VPS13A: variants seen among roughly 807,000 people sequenced by gnomAD.
VPS13A encodes vacuolar protein sorting 13 homolog A.
In VPS13A, 264 loss-of-function variants were observed where a neutral mutation model predicts 390.9. The observed-to-expected ratio is 0.68, with a 90% CI of 0.61 to 0.75. The LOEUF is 0.75. Ranked by LOEUF, VPS13A falls within the 30% of genes least tolerant of loss-of-function variation. The pLI, the probability that VPS13A is intolerant of heterozygous loss-of-function variation, is 0.00. For synonymous variants in VPS13A, 1,231 were observed against 1,227.1 expected, an observed-to-expected ratio of 1.00 and a Z score of -0.07; for missense variants, 3,409 against 3,733.9, an observed-to-expected ratio of 0.91 and a Z score of 2.27.
intron 1 of VPS13A, among the ~76,000 whole-genome samples, chr9:77,193,634 C>G (rs1373300297): frequency 6.6e-6 from 1 of 151,972 alleles, no homozygotes; most frequent in Admixed American, 6.6e-5. Flanking sequence ...ACTCTCTCTT[C>G]AAAAAAATAA....
chr9:77,372,234 T>G (rs1002756978), intron 67 of VPS13A, among the ~76,000 whole-genome samples: 16 of 151,730 alleles, frequency 1.1e-4, no homozygotes, highest in Admixed American at 2.0e-4. Context: ...CACACTGACT[T>G]CCACAATGGT....
chr9:77,387,522 G>A (rs939425306), intron 68 of VPS13A, among the ~76,000 whole-genome samples: 1 of 152,102 alleles, frequency 6.6e-6, no homozygotes, highest in Non-Finnish European at 1.5e-5. Flanking sequence ...TCTACCTGAC[G>A]CTTGAATAAC....
chr9:77,352,688 A>G (rs867678364), intron 53 of VPS13A, among the ~76,000 whole-genome samples: 2 of 152,246 alleles, frequency 1.3e-5, no homozygotes, highest in African/African-American at 2.4e-5. Flanking sequence ...GGTTTTAGTG[A>G]TATACATATA....
rs1827039696 is a variant in VPS13A at position 77,281,750 on chromosome 9, T to G, written c.2905-117T>G. On this transcript the variant is annotated intron_variant, in intron 27 of 71. Transcript: ENST00000360280. ...GTGTGTGTATATGTGTATATATATATATATATATGTATATGAACAGCTGGA... is the reference window on the plus strand; with the variant it reads ...GTGTGTGTATATGTGTATATATATAGATATATATGTATATGAACAGCTGGA... The G allele has an allele frequency of 6.9e-6, 4 of 575,658 alleles. No homozygotes were observed. In the African/African-American group the frequency reaches 7.6e-5, roughly 11 times the overall value. 35.7% of individuals were successfully genotyped at this position (575,658 alleles called of 1,614,324 possible). A position where few individuals can be genotyped will look rare whatever the true frequency, so the allele number is the denominator to read the frequency against.
chr9:77,395,352 C>A (rs977210648), intron 68 of VPS13A, among the ~76,000 whole-genome samples: 1 of 152,078 alleles, frequency 6.6e-6, no homozygotes, highest in Admixed American at 6.6e-5. Context: ...TCAGAACACA[C>A]ATTTATAGAT....
At chr9:77,386,134 A>G (rs1833672428) in intron 68 of VPS13A, among the ~76,000 whole-genome samples, 1 of 152,228 alleles carries the variant, frequency 6.6e-6, no homozygotes, top group African/African-American at 2.4e-5. Context: ...AAGTACATAC[A>G]AATAGTGACC....
intron 67 of VPS13A, among the ~76,000 whole-genome samples, chr9:77,372,159 A>G (rs902702920): frequency 1.5e-4 from 23 of 151,786 alleles, no homozygotes; most frequent in Admixed American, 1.1e-3. Context: ...TCCTTTGGGT[A>G]TATACCCAGT....
intron 3 of VPS13A, among the ~76,000 whole-genome samples, chr9:77,202,452 A>C (rs1825386302): frequency 1.3e-5 from 2 of 152,182 alleles, no homozygotes; most frequent in Admixed American, 1.3e-4. Flanking sequence ...GCGTATAAAA[A>C]GGATTTCTCA....
At chr9:77,357,922 T>G in intron 56 of VPS13A, 84 bp downstream of exon 56, 1 of 1,300,924 alleles carries the variant, frequency 7.7e-7, no homozygotes, top group East Asian at 2.3e-5. Flanking sequence ...GTCTGCTTTA[T>G]CTAGTATTCA....
intron 68 of VPS13A, among the ~76,000 whole-genome samples, chr9:77,383,510 A>G (rs1187065373): frequency 6.6e-6 from 1 of 152,064 alleles, no homozygotes; most frequent in Non-Finnish European, 1.5e-5. Context: ...CTAACATTTT[A>G]CTAGACTAAA....
intron 31 of VPS13A, 104 bp downstream of exon 31, chr9:77,283,754 G>A (rs1827175473): frequency 1.1e-6 from 1 of 946,522 alleles, no homozygotes; most frequent in African/African-American, 1.7e-5. Flanking sequence ...TAGTAGTATG[G>A]CTTATTATGT....
chr9:77,317,468 G>T, intron 39 of VPS13A, 138 bp from the exon 40 acceptor site: 1 of 579,380 alleles, frequency 1.7e-6, no homozygotes. Flanking sequence ...TAATTAAGGA[G>T]TGTATTATTA....
rs777095520 is a variant in VPS13A at position 77,337,518 on chromosome 9, A to G, written c.6359A>G (p.Lys2120Arg). The change falls in exon 47 of 72, where the codon AAA becomes AGA. Residue 2120 changes from lysine (K) to arginine (R), a missense_variant. By Grantham distance (26) the Lys-to-Arg change is conservative. Transcript: ENST00000360280. ...PILLRNLLPY[K>R]IAYYIEGIEN... is the part of the protein sequence containing the mutation. The stretch of plus-strand genomic sequence containing the variant: ...CTGCTCCGAAATCTTCTTCCTTACA[A>G]AATTGCTTATTATATAGAGGTATCG... 2 of 1,612,782 alleles carry G rather than the reference A, an allele frequency of 1.2e-6. No individual in the cohort carries two copies. Among genetic ancestry groups the G allele is most frequent in the Non-Finnish European group, 1.7e-6 (2 of 1,179,468 alleles).
intron 68 of VPS13A, among the ~76,000 whole-genome samples, chr9:77,387,425 C>T (rs973675837): frequency 6.6e-6 from 1 of 152,088 alleles, no homozygotes; most frequent in Admixed American, 6.6e-5. Flanking sequence ...GATTTCTGCA[C>T]GATCATTGCT....
At chr9:77,365,323 CT>C (rs1832374215) in intron 59 of VPS13A, 136 bp from the exon 60 acceptor site, 1 of 648,622 alleles carries the variant, frequency 1.5e-6, no homozygotes, top group African/African-American at 1.8e-5. Flanking sequence ...AGAGATGTTA[CT>C]TTCCCTTCTG....
At chr9:77,355,573 T>C (rs1831728102) in intron 54 of VPS13A, among the ~76,000 whole-genome samples, 1 of 152,214 alleles carries the variant, frequency 6.6e-6, no homozygotes, top group Admixed American at 6.5e-5. Context: ...TAAGACTTCA[T>C]ATATCCAACT....
At chr9:77,274,387 C>T (rs1826519317) in intron 24 of VPS13A, among the ~76,000 whole-genome samples, 1 of 145,390 alleles carries the variant, frequency 6.9e-6, no homozygotes, top group Non-Finnish European at 1.5e-5. Context: ...GAGATCGTGC[C>T]ACTGTGCTCC....
At chr9:77,391,507 T>C (rs1172837370) in intron 68 of VPS13A, among the ~76,000 whole-genome samples, 2 of 151,936 alleles carry the variant, frequency 1.3e-5, no homozygotes, top group Non-Finnish European at 2.9e-5. Context: ...TAAGAATCTT[T>C]TGTTTTAAAT....
chr9:77,363,285 A>AGT (rs1832240973), intron 59 of VPS13A, among the ~76,000 whole-genome samples: 1 of 150,250 alleles, frequency 6.7e-6, no homozygotes, highest in African/African-American at 2.4e-5. Flanking sequence ...TAGTTGGTTG[A>AGT]GTGTTTTTAA....
Sources: gnomAD v4.1 joint callset for allele counts (sites outside exome capture counted in the v4.1 genomes callset) on GRCh38, gnomAD v4.1.1 for gene constraint, MANE v1.5 for transcripts, NCBI Gene and HGNC (gene_info 2026-07-23, HGNC 2026-07-21) for gene names.